SNX29: variants seen among roughly 807,000 people sequenced by gnomAD.
The protein encoded by SNX29 is sorting nexin-29.
SNX29 carries 78 observed loss-of-function variants against 102.1 expected under a neutral mutation model. That is an observed-to-expected ratio of 0.76 (90% CI 0.64 to 0.92). The LOEUF (loss-of-function observed/expected upper bound fraction) is 0.92. Among genes scored for constraint, SNX29 ranks in the 40% least tolerant of loss-of-function variants. The probability of loss-of-function intolerance (pLI) is 0.00; values close to 1 mark genes in which losing one functional copy is unlikely to be tolerated. For missense variants in SNX29, 1,280 were observed against 1,061.7 expected (o/e 1.21, Z -2.86); for synonymous variants, 580 against 414.5 (o/e 1.40, Z -4.85).
Position 12,572,750 on chromosome 16 carries a change from C to CA in SNX29, c.*4122dup. 9.4e-7 allele frequency: 1 copy of CA among 1,064,162 alleles called. No individual in the cohort carries two copies. The highest frequency in any genetic ancestry group is 1.1e-6 in the Non-Finnish European group (1 of 878,560). 65.9% of individuals were successfully genotyped at this position (1,064,162 alleles called of 1,614,324 possible). A position where few individuals can be genotyped will look rare whatever the true frequency, so the allele number is the denominator to read the frequency against. ...GATGGCAAAGGAAGGGCTGGGTTTT[C>CA]AGCTTCTGGGACCCGAGGAAGACCC... On this transcript the variant is annotated 3_prime_UTR_variant, in exon 21 of 21. Transcript: ENST00000566228.
chr16:12,064,723 C>T (rs1480959170), intron 9 of SNX29, among the ~76,000 whole-genome samples: 2 of 152,200 alleles, frequency 1.3e-5, no homozygotes, highest in Admixed American at 6.5e-5. Context: ...GCCCCATTTC[C>T]ATGGGAGGTG....
chr16:12,534,198 C>T (rs542985763), intron 20 of SNX29, among the ~76,000 whole-genome samples: 1 of 152,216 alleles, frequency 6.6e-6, no homozygotes, highest in Non-Finnish European at 1.5e-5. Flanking sequence ...AGAGTGTGGG[C>T]TCCATGAGAA....
chr16:12,538,560 G>A (rs564837020), intron 20 of SNX29, among the ~76,000 whole-genome samples: 2 of 152,280 alleles, frequency 1.3e-5, no homozygotes, highest in African/African-American at 4.8e-5. Context: ...AGGCTTAACT[G>A]GTCTTAGCTG....
intron 15 of SNX29, among the ~76,000 whole-genome samples, chr16:12,295,366 C>G (rs1167927445): frequency 1.3e-5 from 2 of 152,270 alleles, no homozygotes; most frequent in Non-Finnish European, 2.9e-5. Flanking sequence ...CATTCCTTCT[C>G]TTCCTACCAA....
In SNX29 at chr16:12,571,570, G is replaced by C. The variant is rs189284475; in HGVS notation, c.*2941G>C. On this transcript the variant is annotated 3_prime_UTR_variant, in exon 21 of 21. Transcript: ENST00000566228. Reference sequence around the variant, plus strand: ...GGAAGAATCCACACCGAATCCTTCTGTCTTCATGGCCTGCTGTGCTGAAAC... The same window carrying C: ...GGAAGAATCCACACCGAATCCTTCTCTCTTCATGGCCTGCTGTGCTGAAAC... The C allele has an allele frequency of 1.2e-4, 126 of 1,032,806 alleles. 1 individual carries two copies. The African/African-American group carries it at 1.9e-3, about 15-fold the overall frequency. 64.0% of individuals were successfully genotyped at this position (1,032,806 alleles called of 1,614,324 possible).
chr16:12,512,079 G>A (rs1034609172), intron 19 of SNX29, among the ~76,000 whole-genome samples: 1 of 152,002 alleles, frequency 6.6e-6, no homozygotes, highest in Non-Finnish European at 1.5e-5. Context: ...AGTCAGGGAT[G>A]TCTCAACAGA....
chr16:12,129,867 G>A, intron 13 of SNX29, 109 bp downstream of exon 13: 6 of 1,322,216 alleles, frequency 4.5e-6, no homozygotes, highest in Non-Finnish European at 6.1e-6. Context: ...CACTTTGGGA[G>A]GCCAAGGCGG....
chr16:12,340,040 A>T (rs2081567724), intron 15 of SNX29, among the ~76,000 whole-genome samples: 1 of 152,250 alleles, frequency 6.6e-6, no homozygotes, highest in Non-Finnish European at 1.5e-5. Flanking sequence ...TCACTGAAAA[A>T]GGGTCTTTTA....
At chr16:12,349,460 C>G (rs1407899042) in intron 15 of SNX29, among the ~76,000 whole-genome samples, 2 of 152,198 alleles carry the variant, frequency 1.3e-5, no homozygotes. Context: ...GTTGAGCATC[C>G]CAAATCCCAA....
intron 16 of SNX29, chr16:12,367,549 G>C (rs2082530564): frequency 1.3e-5 from 2 of 152,186 alleles, no homozygotes; most frequent in Non-Finnish European, 2.9e-5. Context: ...TTTGTAATAA[G>C]ATTCACTATA....
intron 13 of SNX29, among the ~76,000 whole-genome samples, chr16:12,185,695 A>T (rs906595542): frequency 2.0e-5 from 3 of 152,194 alleles, no homozygotes. Flanking sequence ...ATTTGTTGAG[A>T]CGACTGTGAC....
At chr16:12,313,091 A>G (rs2080615862) in intron 15 of SNX29, among the ~76,000 whole-genome samples, 1 of 151,368 alleles carries the variant, frequency 6.6e-6, no homozygotes, top group Admixed American at 6.6e-5. Flanking sequence ...TCGGCTTACT[A>G]CAACCTCCGC....
At chr16:12,318,229 C>T (rs547401190) in intron 15 of SNX29, among the ~76,000 whole-genome samples, 6 of 152,350 alleles carry the variant, frequency 3.9e-5, no homozygotes, top group South Asian at 2.1e-4. Flanking sequence ...CCTGCATGTT[C>T]TTGCTAGATT....
intron 13 of SNX29, among the ~76,000 whole-genome samples, chr16:12,140,743 T>C (rs554056293): frequency 3.3e-5 from 5 of 152,334 alleles, no homozygotes; most frequent in Admixed American, 3.3e-4. Context: ...GTGTTCTCCA[T>C]TGTGCTTTTC....
At chr16:12,158,698 G>A (rs1222232486) in intron 13 of SNX29, among the ~76,000 whole-genome samples, 1 of 152,228 alleles carries the variant, frequency 6.6e-6, no homozygotes, top group Non-Finnish European at 1.5e-5. Flanking sequence ...AACATGCAAC[G>A]TGCACCGGAG....
At chr16:12,221,283 C>A (rs1455648572) in intron 14 of SNX29, among the ~76,000 whole-genome samples, 2 of 152,078 alleles carry the variant, frequency 1.3e-5, no homozygotes, top group African/African-American at 4.8e-5. Context: ...GATCACTGAG[C>A]CTGGGAAATC....
intron 13 of SNX29, among the ~76,000 whole-genome samples, chr16:12,183,154 C>G (rs1000229384): frequency 1.6e-4 from 24 of 152,112 alleles, no homozygotes; most frequent in South Asian, 2.1e-4. Flanking sequence ...CGTGCGCCAC[C>G]ACACTGGGCT....
At chr16:12,379,716 G>C (rs116198271) in intron 16 of SNX29, among the ~76,000 whole-genome samples, 1 of 152,268 alleles carries the variant, frequency 6.6e-6, no homozygotes, top group African/African-American at 2.4e-5. Context: ...TGAGAAATGA[G>C]GCTGATTTCT....
At chr16:12,237,833 G>A (rs947528787) in intron 14 of SNX29, among the ~76,000 whole-genome samples, 3 of 152,182 alleles carry the variant, frequency 2.0e-5, no homozygotes, top group Non-Finnish European at 2.9e-5. Context: ...ACTTGAACCC[G>A]GGAGATGGAG....
Sources: allele counts gnomAD v4.1 joint callset (sites outside exome capture counted in the v4.1 genomes callset), GRCh38; gene constraint gnomAD v4.1.1; transcripts MANE v1.5; gene names NCBI Gene and HGNC (gene_info 2026-07-23, HGNC 2026-07-21).